The following DACH2 variants were observed in gnomAD, a reference collection of about 807,000 sequenced individuals.
The protein encoded by DACH2 is dachshund family transcription factor 2.
DACH2 carries 17 observed loss-of-function variants against 35.8 expected under a neutral mutation model. The observed-to-expected ratio is 0.48, with a 90% CI of 0.33 to 0.71. The LOEUF is 0.71. Ranked by LOEUF, DACH2 falls within the 30% of genes least tolerant of loss-of-function variation. The pLI is 0.02. For missense variants in DACH2, 469 were observed against 472.7 expected (o/e 0.99, Z 0.07); for synonymous variants, 195 against 177.3 (o/e 1.10, Z -0.79).
chrX:86,197,932 C>A (rs778413373), intron 1 of DACH2, among the ~76,000 whole-genome samples: 48 of 112,026 alleles, frequency 4.3e-4, no homozygotes, highest in African/African-American at 1.5e-3. Context: ...TTCTACAGAA[C>A]TCACCACCCA....
At chrX:86,429,657 T>A in intron 2 of DACH2, among the ~76,000 whole-genome samples, 1 of 109,730 alleles carries the variant, frequency 9.1e-6, no homozygotes, top group East Asian at 2.9e-4. Flanking sequence ...GCCTCCCAGG[T>A]TCAAGTCATT....
At chrX:86,596,029 C>T (rs1316918972) in intron 3 of DACH2, among the ~76,000 whole-genome samples, 1 of 111,296 alleles carries the variant, frequency 9.0e-6, no homozygotes, top group African/African-American at 3.2e-5. Context: ...GCCTTCTGTA[C>T]TTGGCATCTT....
chrX:86,651,084 A>G lies in DACH2; in HGVS notation c.689A>G (p.Lys230Arg). The change falls in exon 4 of 12, where the codon AAG (lysine) becomes AGG (arginine). Residue 230 changes from lysine to arginine, a missense_variant. Physicochemically the swap from Lys to Arg is conservative, Grantham distance 26 (BLOSUM62 2). Coordinates refer to ENST00000373125, the MANE Select transcript of DACH2 (RefSeq NM_053281.3). ...GAGGCGATGAAACTTCAGAAGATGA[A>G]GCTTATGGCTATGAACACTCTTCAG... ...MAEAMKLQKM[K>R]LMAMNTLQGN... is the part of the protein sequence containing the mutation. 1 of 1,208,537 alleles carries G rather than the reference A, an allele frequency of 8.3e-7. No homozygotes were observed. Among genetic ancestry groups the G allele is most frequent in the East Asian group, 3.0e-5 (1 of 33,656 alleles).
chrX:86,801,673 CTG>C (rs1025629107), intron 7 of DACH2, among the ~76,000 whole-genome samples: 2 of 112,060 alleles, frequency 1.8e-5, no homozygotes, highest in South Asian at 7.4e-4. Flanking sequence ...AGGTGACAAA[CTG>C]TGAATTCTGT....
intron 1 of DACH2, among the ~76,000 whole-genome samples, chrX:86,334,982 G>T (rs772801200): frequency 3.5e-4 from 39 of 112,201 alleles, no homozygotes; most frequent in African/African-American, 1.2e-3. Flanking sequence ...CATATGGCTA[G>T]CCAGTTTTCC....
chrX:86,543,994 A>T (rs1321756169), intron 3 of DACH2, among the ~76,000 whole-genome samples: 8 of 111,449 alleles, frequency 7.2e-5, no homozygotes, highest in South Asian at 3.8e-4. Context: ...ATAATAATAA[A>T]AAAAGAATAC....
rs770115186 is a variant in DACH2 at position 86,418,050 on chromosome X, A to C, written c.527+41188A>C. On this transcript the variant is annotated intron_variant, in intron 2 of 11. Coordinates refer to ENST00000373125, the MANE Select transcript of DACH2 (RefSeq NM_053281.3). ...GGGCAGTCAAATCTTAAAACTCCAA[A>C]ATTATCTCATTTGACTCCATGTCTC... 6.3e-5 allele frequency among the ~76,000 whole-genome samples: 7 copies of C among 111,493 alleles called. No homozygotes were observed. The South Asian group carries it at 2.7e-3, about 42-fold the overall frequency.
chrX:86,382,461 TACACACACACACACACAC>T (rs55825336), intron 2 of DACH2, among the ~76,000 whole-genome samples: 1 of 94,602 alleles, frequency 1.1e-5, no homozygotes, highest in Non-Finnish European at 2.1e-5. Context: ...GCTACATTCA[TACACACACACACACACAC>T]ACACACACAC....
At chrX:86,439,838 C>A (rs2037131186) in intron 2 of DACH2, among the ~76,000 whole-genome samples, 1 of 111,024 alleles carries the variant, frequency 9.0e-6, no homozygotes, top group Non-Finnish European at 1.9e-5. Context: ...TTATTTAGTA[C>A]AAAATATTTT....
intron 7 of DACH2, among the ~76,000 whole-genome samples, chrX:86,751,985 A>T (rs192349964): frequency 1.1e-4 from 12 of 111,754 alleles, no homozygotes; most frequent in Non-Finnish European, 1.9e-4. Flanking sequence ...AAATGCAAGA[A>T]CACAAAACCA....
At chrX:86,242,543 G>A (rs925920568) in intron 1 of DACH2, among the ~76,000 whole-genome samples, 1 of 111,769 alleles carries the variant, frequency 8.9e-6, no homozygotes, top group African/African-American at 3.3e-5. Context: ...TGAGACTTTG[G>A]ACTTATTTGG....
chrX:86,253,450 A>C (rs1415127259), intron 1 of DACH2, among the ~76,000 whole-genome samples: 1 of 111,727 alleles, frequency 9.0e-6, no homozygotes, highest in African/African-American at 3.2e-5. Context: ...CTATTGCTCA[A>C]GTTATCAATA....
intron 7 of DACH2, among the ~76,000 whole-genome samples, chrX:86,768,330 G>A (rs1256360628): frequency 9.0e-6 from 1 of 111,627 alleles, no homozygotes; most frequent in African/African-American, 3.3e-5. Flanking sequence ...ATTATTCCCT[G>A]TATTGGATTT....
rs2031633822 is a variant in DACH2, at chrX:86,184,848, G to C, written c.488+35740G>C. ...TTAAAACACAACATGGAACAATTAA[G>C]TGCTTTATAAGTATTATCAAGAAAG... is the stretch of plus-strand genomic sequence containing the variant. On this transcript the variant is annotated intron_variant, in intron 1 of 11. Transcript: ENST00000373125. Among the ~76,000 whole-genome samples, 3 of 111,083 alleles carry C rather than the reference G, an allele frequency of 2.7e-5. No individual in the cohort carries two copies. In the South Asian group the frequency reaches 1.1e-3, roughly 42 times the overall value.
intron 7 of DACH2, among the ~76,000 whole-genome samples, chrX:86,756,159 A>G (rs1805695275): frequency 1.8e-5 from 2 of 111,187 alleles, no homozygotes; most frequent in African/African-American, 6.6e-5. Flanking sequence ...TATATTTTGA[A>G]GTCAGATAGT....
intron 5 of DACH2, 71 bp from the exon 6 acceptor site, chrX:86,714,477 T>G: frequency 3.2e-6 from 3 of 935,083 alleles, no homozygotes; most frequent in Non-Finnish European, 4.3e-6. Flanking sequence ...AAGAATGAAT[T>G]TAGGTACTTT....
At chrX:86,162,594 T>G (rs1448657974) in intron 1 of DACH2, among the ~76,000 whole-genome samples, 6 of 110,649 alleles carry the variant, frequency 5.4e-5, no homozygotes, top group Non-Finnish European at 9.5e-5. Flanking sequence ...TAGCTGTGAA[T>G]AAAAAGAAAA....
chrX:86,318,728 AG>A (rs1033575639), intron 1 of DACH2, among the ~76,000 whole-genome samples: 3 of 111,611 alleles, frequency 2.7e-5, no homozygotes, highest in African/African-American at 9.8e-5. Context: ...CGGATGCTCC[AG>A]GGGCCCTCTG....
intron 7 of DACH2, among the ~76,000 whole-genome samples, chrX:86,762,876 C>T (rs916076057): frequency 9.0e-6 from 1 of 111,541 alleles, no homozygotes; most frequent in African/African-American, 3.3e-5. Context: ...ACTATAGTCA[C>T]CCTGTTGTGC....
Sources: gnomAD v4.1 joint callset for allele counts (sites outside exome capture counted in the v4.1 genomes callset) on GRCh38, gnomAD v4.1.1 for gene constraint, MANE v1.5 for transcripts, NCBI Gene and HGNC (gene_info 2026-07-23, HGNC 2026-07-21) for gene names.